Variants in ZBTB20 observed in about 807,000 individuals in gnomAD.
ZBTB20 encodes the protein zinc finger and BTB domain-containing protein 20.
In ZBTB20, 9 loss-of-function variants were observed where a neutral mutation model predicts 56.9. That is an observed-to-expected ratio of 0.16 (90% CI 0.10 to 0.28). ZBTB20 has a LOEUF of 0.28. ZBTB20 is among the 10% of genes least tolerant of loss of function. The probability of loss-of-function intolerance (pLI) is 1.00; values close to 1 mark genes in which losing one functional copy is unlikely to be tolerated. For missense variants in ZBTB20, 655 were observed against 1,003.0 expected (o/e 0.65, Z 4.69); for synonymous variants, 417 against 420.7 (o/e 0.99, Z 0.11).
chr3:114,686,315 G>A lies in ZBTB20; in HGVS notation c.-295+7213C>T, dbSNP rs149677413. On this transcript the variant is annotated intron_variant, in intron 6 of 11. Coordinates refer to ENST00000675478, the MANE Select transcript of ZBTB20 (RefSeq NM_001348800.3). ...ATCCACTGAGCAAGGTAAAGAGTGC[G>A]AAGCAGTTATTCACAGAATTTGGTG... Among the ~76,000 whole-genome samples, 28 of 152,306 alleles carry A rather than the reference G, an allele frequency of 1.8e-4. No individual in the cohort carries two copies. The East Asian group carries it at 4.2e-3, about 23-fold the overall frequency.
intron 10 of ZBTB20, among the ~76,000 whole-genome samples, chr3:114,371,383 C>T (rs60008493): frequency 0.011 from 1,604 of 152,256 alleles, 28 homozygotes; most frequent in African/African-American, 0.036. Context: ...ACTGTAGTGA[C>T]AGGCACAAAA....
intron 10 of ZBTB20, among the ~76,000 whole-genome samples, chr3:114,365,300 T>A (rs2082283718): frequency 6.6e-6 from 1 of 152,194 alleles, no homozygotes; most frequent in South Asian, 2.1e-4. Flanking sequence ...AATCCTCTAT[T>A]CATTCAGCCA....
rs539311091 is a variant in ZBTB20, at chr3:114,699,002, A to C, written c.-342-5427T>G. Among the ~76,000 whole-genome samples, 38 of 152,300 alleles carry C rather than the reference A, an allele frequency of 2.5e-4. No individual in the cohort carries two copies. In the South Asian group the frequency reaches 7.9e-3, roughly 32 times the overall value. ...AAAATATATTCCGATGTTTTACAAGAAATCTTAGGCTATATTGCTCTATCA... is the reference window on the plus strand; with the variant it reads ...AAAATATATTCCGATGTTTTACAAGCAATCTTAGGCTATATTGCTCTATCA... On this transcript the variant is annotated intron_variant, in intron 5 of 11. Transcript: ENST00000675478.
chr3:114,912,297 C>A (rs1218486286), intron 3 of ZBTB20, among the ~76,000 whole-genome samples: 2 of 149,734 alleles, frequency 1.3e-5, no homozygotes, highest in African/African-American at 2.5e-5. Flanking sequence ...TAAAAGGATA[C>A]TAGATGATAA....
At chr3:114,557,718 C>G (rs1401224785) in intron 6 of ZBTB20, among the ~76,000 whole-genome samples, 3 of 151,884 alleles carry the variant, frequency 2.0e-5, no homozygotes, top group Non-Finnish European at 4.4e-5. Flanking sequence ...TTCTGAATGA[C>G]TGTCTAGATA....
At chr3:114,954,836 C>T (rs2107933895) in intron 3 of ZBTB20, among the ~76,000 whole-genome samples, 1 of 152,274 alleles carries the variant, frequency 6.6e-6, no homozygotes, top group South Asian at 2.1e-4. Flanking sequence ...TGAGTTCTGG[C>T]TAGAACAACA....
At chr3:114,739,318 G>A (rs1174412801) in intron 5 of ZBTB20, among the ~76,000 whole-genome samples, 2 of 152,148 alleles carry the variant, frequency 1.3e-5, no homozygotes, top group Non-Finnish European at 2.9e-5. Context: ...CAATTGTCAG[G>A]CCCTTTGAAT....
At chr3:114,566,226 A>G (rs915076630) in intron 6 of ZBTB20, among the ~76,000 whole-genome samples, 2 of 152,158 alleles carry the variant, frequency 1.3e-5, no homozygotes, top group Non-Finnish European at 2.9e-5. Flanking sequence ...TGCCACTGTA[A>G]TTGAAACACG....
intron 5 of ZBTB20, among the ~76,000 whole-genome samples, chr3:114,726,083 T>C (rs977328657): frequency 6.6e-6 from 1 of 152,144 alleles, no homozygotes; most frequent in African/African-American, 2.4e-5. Context: ...AAAAGGTGAA[T>C]GGTACAGGCA....
chr3:114,357,339 T>C (rs1307943010), intron 10 of ZBTB20: 7 of 152,222 alleles, frequency 4.6e-5, no homozygotes, highest in Non-Finnish European at 1.0e-4. Flanking sequence ...TGGCTACCTA[T>C]GAAAGTTGGG....
chr3:114,789,067 G>C (rs2070758976), intron 5 of ZBTB20, among the ~76,000 whole-genome samples: 1 of 152,090 alleles, frequency 6.6e-6, no homozygotes, highest in African/African-American at 2.4e-5. Context: ...TTTGGGTAGG[G>C]ACAGAGCCAA....
intron 6 of ZBTB20, among the ~76,000 whole-genome samples, chr3:114,515,760 T>G (rs2045915659): frequency 6.6e-6 from 1 of 152,220 alleles, no homozygotes; most frequent in African/African-American, 2.4e-5. Flanking sequence ...TCATCCAGGA[T>G]CTTATTATAT....
chr3:115,018,049 TCTTAAAGTTGCACATTGAATCA>T (rs2080046253), intron 2 of ZBTB20, among the ~76,000 whole-genome samples: 1 of 151,548 alleles, frequency 6.6e-6, no homozygotes, highest in South Asian at 2.1e-4. Context: ...TTTTTTAATC[TCTTAAAGTTGCACATTGAATCA>T]CTGCTGATTT....
chr3:115,007,837 G>A (rs77244071), intron 2 of ZBTB20, among the ~76,000 whole-genome samples: 11,581 of 151,598 alleles, frequency 0.076, 534 homozygotes, highest in Admixed American at 0.16. Context: ...ATTTTGACTT[G>A]ACCTTACTTT....
At chr3:115,131,427 G>T (rs982863966) in intron 1 of ZBTB20, among the ~76,000 whole-genome samples, 1 of 152,146 alleles carries the variant, frequency 6.6e-6, no homozygotes, top group African/African-American at 2.4e-5. Flanking sequence ...TCTTTCAGAA[G>T]ATCTGAGATA....
At chr3:114,755,825 T>C (rs1026762545) in intron 5 of ZBTB20, among the ~76,000 whole-genome samples, 5 of 152,162 alleles carry the variant, frequency 3.3e-5, no homozygotes, top group Non-Finnish European at 5.9e-5. Flanking sequence ...TTAGCATTGA[T>C]TTCTTGGAAA....
intron 3 of ZBTB20, among the ~76,000 whole-genome samples, chr3:114,971,934 C>A (rs1031975399): frequency 6.6e-6 from 1 of 152,164 alleles, no homozygotes; most frequent in African/African-American, 2.4e-5. Context: ...GACACAAAAA[C>A]AATAAAACCT....
At chr3:114,914,818 C>A (rs1023008563) in intron 3 of ZBTB20, among the ~76,000 whole-genome samples, 1 of 151,642 alleles carries the variant, frequency 6.6e-6, no homozygotes, top group Non-Finnish European at 1.5e-5. Context: ...CCAGCATCAA[C>A]TGAAATAATC....
At chr3:114,599,575 G>T (rs865871376) in intron 6 of ZBTB20, among the ~76,000 whole-genome samples, 2 of 152,064 alleles carry the variant, frequency 1.3e-5, no homozygotes, top group African/African-American at 4.8e-5. Flanking sequence ...CTTTGTTGTT[G>T]CTGTTATTGA....
Sources: allele counts gnomAD v4.1 joint callset (sites outside exome capture counted in the v4.1 genomes callset), GRCh38; gene constraint gnomAD v4.1.1; transcripts MANE v1.5; gene names NCBI Gene and HGNC (gene_info 2026-07-23, HGNC 2026-07-21).